Variants in ZHX3 observed in about 807,000 individuals in gnomAD.
The protein encoded by ZHX3 is zinc fingers and homeoboxes 3, also known as zinc fingers and homeoboxes protein 3.
A neutral mutation model predicts 64.5 loss-of-function variants in ZHX3; 20 were observed. That is an observed-to-expected ratio of 0.31 (90% CI 0.22 to 0.45). ZHX3 has a LOEUF of 0.45. Ranked by LOEUF, ZHX3 falls within the 20% of genes least tolerant of loss-of-function variation. The pLI, the probability that ZHX3 is intolerant of heterozygous loss-of-function variation, is 1.00. For missense variants in ZHX3, 1,041 were observed against 1,195.8 expected (o/e 0.87, Z 1.91); for synonymous variants, 423 against 461.6 (o/e 0.92, Z 1.07).
At chr20:41,314,342 T>G (rs937720999) in intron 1 of ZHX3, among the ~76,000 whole-genome samples, 5 of 152,226 alleles carry the variant, frequency 3.3e-5, no homozygotes, top group Admixed American at 1.3e-4. Flanking sequence ...GTATACCTGC[T>G]AGGCCATCCA....
At chr20:41,227,931 C>T (rs2040371989) in intron 2 of ZHX3, among the ~76,000 whole-genome samples, 1 of 152,142 alleles carries the variant, frequency 6.6e-6, no homozygotes, top group Admixed American at 6.5e-5. Context: ...CTTCCCCCTC[C>T]CCCATGCCAG....
At chr20:41,259,716 T>C (rs1007869332) in intron 2 of ZHX3, among the ~76,000 whole-genome samples, 9 of 152,108 alleles carry the variant, frequency 5.9e-5, no homozygotes, top group African/African-American at 2.2e-4. Context: ...TATATATATG[T>C]AAATGCATAG....
chr20:41,235,833 C>A (rs1266926909), intron 2 of ZHX3, among the ~76,000 whole-genome samples: 3 of 152,178 alleles, frequency 2.0e-5, no homozygotes, highest in African/African-American at 7.2e-5. Flanking sequence ...GTCAAATTGT[C>A]CCTGTTTGCA....
chr20:41,229,045 T>G (rs1177505368), intron 2 of ZHX3, among the ~76,000 whole-genome samples: 1 of 152,126 alleles, frequency 6.6e-6, no homozygotes, highest in Non-Finnish European at 1.5e-5. Context: ...ACTGAAACCT[T>G]ACACCCATTA....
chr20:41,230,185 A>G (rs982678808), intron 2 of ZHX3, among the ~76,000 whole-genome samples: 1 of 152,134 alleles, frequency 6.6e-6, no homozygotes, highest in African/African-American at 2.4e-5. Context: ...GGTTAAATAT[A>G]TTCTTAGATT....
chr20:41,185,269 C>T lies in ZHX3; in HGVS notation c.2861-68G>A. 6.6e-7 allele frequency: 1 copy of T among 1,520,576 alleles called. No homozygotes were observed. Among genetic ancestry groups the T allele is most frequent in the South Asian group, 1.3e-5 (1 of 77,956 alleles). 94.2% of individuals were successfully genotyped at this position (1,520,576 alleles called of 1,614,324 possible). On this transcript the variant is annotated intron_variant, in intron 3 of 3. Transcript: ENST00000683867. This position sits in a 1 kb window ranked among gnomAD's most constrained non-coding sequence, Gnocchi z 5.0. Reference sequence around the variant, plus strand: ...CCACCTGCCCCCCAGGCAGCCTGGTCCTTGCTATACCAGGGTGGCATCACT... The same window carrying T: ...CCACCTGCCCCCCAGGCAGCCTGGTTCTTGCTATACCAGGGTGGCATCACT...
chr20:41,279,663 A>G (rs1047685855), intron 1 of ZHX3, among the ~76,000 whole-genome samples: 1 of 152,194 alleles, frequency 6.6e-6, no homozygotes, highest in Non-Finnish European at 1.5e-5. Flanking sequence ...ATACAAGAGT[A>G]ATAAGTTCAC....
chr20:41,186,358 T>C (rs1251150484), intron 3 of ZHX3, among the ~76,000 whole-genome samples: 1 of 152,248 alleles, frequency 6.6e-6, no homozygotes, highest in Admixed American at 6.5e-5. Context: ...GGCTGAATAA[T>C]ATCTTACTGT....
intron 1 of ZHX3, among the ~76,000 whole-genome samples, chr20:41,307,271 A>G (rs973260170): frequency 6.6e-6 from 1 of 152,182 alleles, no homozygotes; most frequent in Non-Finnish European, 1.5e-5. Flanking sequence ...TACCGACCAC[A>G]TTGACAACCA....
rs544218258 is a variant in ZHX3, at chr20:41,279,416, T to C, written c.-244-10333A>G. Among the ~76,000 whole-genome samples the C allele has an allele frequency of 2.8e-4, 41 of 148,076 alleles. No individual in the cohort carries two copies. In the South Asian group the frequency reaches 8.6e-3, roughly 31 times the overall value. On this transcript the variant is annotated intron_variant, in intron 1 of 3. Transcript: ENST00000683867. ...ACAGTATCTTACAACTTTAAATGCA[T>C]TTTTTTTTTAACTAACAGAATGAAG...
chr20:41,215,318 G>A (rs1840233110), intron 2 of ZHX3, among the ~76,000 whole-genome samples: 1 of 152,028 alleles, frequency 6.6e-6, no homozygotes, highest in Admixed American at 6.6e-5. Flanking sequence ...AAACAAAAGT[G>A]CATAACTTTT....
Position 41,182,653 on chromosome 20 carries a change from A to C in ZHX3, c.*2538T>G, listed in dbSNP as rs2036290410. Reference sequence around the variant, plus strand: ...GTCCAGAGCATACTCACTCACTCTCATCCAACAGCAGAGGAAGAAGGATCT... The same window carrying C: ...GTCCAGAGCATACTCACTCACTCTCCTCCAACAGCAGAGGAAGAAGGATCT... On this transcript the variant is annotated 3_prime_UTR_variant, in exon 4 of 4. Coordinates refer to ENST00000683867, the MANE Select transcript of ZHX3 (RefSeq NM_001384317.1). The surrounding 1 kb of genome is among the most constrained non-coding windows in gnomAD (Gnocchi z 6.1). 6.6e-6 allele frequency: 1 copy of C among 152,244 alleles called. No individual in the cohort carries two copies. The highest frequency in any genetic ancestry group is 2.1e-4 in the South Asian group (1 of 4,834). The allele number at this position is 152,244 out of a possible 1,614,324, so 9.4% of individuals were successfully genotyped here.
intron 1 of ZHX3, among the ~76,000 whole-genome samples, chr20:41,279,738 G>A (rs1055443762): frequency 3.3e-5 from 5 of 152,268 alleles, no homozygotes; most frequent in Middle Eastern, 3.4e-3. Context: ...GCCAAAGGGA[G>A]GGGAAATGCC....
At chr20:41,282,225 T>C (rs2043711530) in intron 1 of ZHX3, among the ~76,000 whole-genome samples, 1 of 152,190 alleles carries the variant, frequency 6.6e-6, no homozygotes, top group East Asian at 1.9e-4. Flanking sequence ...GATCCTGTGG[T>C]ATGCTGCAAA....
At chr20:41,187,425 C>A (rs189952366) in intron 3 of ZHX3, among the ~76,000 whole-genome samples, 193 of 140,410 alleles carry the variant, frequency 1.4e-3, no homozygotes, top group African/African-American at 4.8e-3. Flanking sequence ...TTTTTTAGTT[C>A]TTTGATCTAT....
At position 41,298,861 on chromosome 20, in the gene ZHX3, T is replaced by C. The variant is rs1298218558; in HGVS notation, c.-245+18648A>G. On this transcript the variant is annotated intron_variant, in intron 1 of 3. Coordinates refer to ENST00000683867, the MANE Select transcript of ZHX3 (RefSeq NM_001384317.1). ...GGTACTTGAAGGGTTGCATATGTTA[T>C]ATATGATGGGAAAGACTAAGGAAGT... 3.9e-5 allele frequency among the ~76,000 whole-genome samples: 6 copies of C among 152,322 alleles called. No individual in the cohort carries two copies. The South Asian group carries it at 8.3e-4, about 21-fold the overall frequency.
At chr20:41,296,232 TAAAAAAAAAAAAAAAA>T (rs57987896) in intron 1 of ZHX3, among the ~76,000 whole-genome samples, 22 of 73,004 alleles carry the variant, frequency 3.0e-4, no homozygotes, top group Non-Finnish European at 4.5e-4. Flanking sequence ...GTTCATAAAG[TAAAAAAAAAAAAAAAA>T]AAAAAAAAAA....
chr20:41,282,017 C>T (rs1038480673), intron 1 of ZHX3, among the ~76,000 whole-genome samples: 1 of 152,068 alleles, frequency 6.6e-6, no homozygotes, highest in Non-Finnish European at 1.5e-5. Flanking sequence ...ATCGGTAGTC[C>T]TTCTTGTGGA....
At chr20:41,302,628 C>T (rs1272936308) in intron 1 of ZHX3, among the ~76,000 whole-genome samples, 1 of 152,236 alleles carries the variant, frequency 6.6e-6, no homozygotes, top group East Asian at 1.9e-4. Context: ...CTATTCTCAA[C>T]CATCTCTCTT....
Sources: gnomAD v4.1 joint callset for allele counts (sites outside exome capture counted in the v4.1 genomes callset) on GRCh38, gnomAD v4.1.1 for gene constraint, Gnocchi (gnomAD v3.1) non-coding constraint, MANE v1.5 for transcripts, NCBI Gene and HGNC (gene_info 2026-07-23, HGNC 2026-07-21) for gene names.